DUXA: variants seen among roughly 807,000 people sequenced by gnomAD.
DUXA encodes the protein double homeobox protein A.
DUXA carries 25 observed loss-of-function variants against 27.5 expected under a neutral mutation model. The ratio of observed to expected loss-of-function variants is 0.91; its 90% CI spans 0.66 to 1.27. The LOEUF is 1.27. Ranked by LOEUF, DUXA falls within the 50% of genes most tolerant of loss-of-function variation. The probability of loss-of-function intolerance (pLI) is 0.00; values close to 1 mark genes in which losing one functional copy is unlikely to be tolerated. For missense variants in DUXA, 247 were observed against 242.9 expected (o/e 1.02, Z -0.11); for synonymous variants, 90 against 80.5 (o/e 1.12, Z -0.63).
At chr19:57,167,316 G>T in intron 1 of DUXA, 103 bp downstream of exon 1, 1 of 1,456,848 alleles carries the variant, frequency 6.9e-7, no homozygotes, top group Non-Finnish European at 9.6e-7. Context: ...TACAGTTAAA[G>T]TTTAAAAATG....
intron 1 of DUXA, among the ~76,000 whole-genome samples, chr19:57,162,187 C>T (rs940997369): frequency 1.3e-5 from 2 of 152,064 alleles, no homozygotes; most frequent in East Asian, 1.9e-4. Context: ...CACCCCTGGC[C>T]GGAGCATATT....
Position 57,154,372 on chromosome 19 carries a change from G to T in DUXA, c.*40C>A. The T allele has an allele frequency of 6.4e-7, 1 of 1,569,276 alleles. No homozygotes were observed. Among genetic ancestry groups the T allele is most frequent in the Non-Finnish European group, 8.8e-7 (1 of 1,140,058 alleles). On this transcript the variant is annotated 3_prime_UTR_variant, in exon 6 of 6. Coordinates refer to ENST00000554048, the MANE Select transcript of DUXA (RefSeq NM_001012729.2). ...AGGAAGACCGTGAGACAGATTTGGG[G>T]TCCAGTTGATATTATCAAGTACACT... is the stretch of plus-strand genomic sequence containing the variant.
In DUXA at chr19:57,164,482, A is replaced by G. The variant is rs60099410; in HGVS notation, c.25+2937T>C. On this transcript the variant is annotated intron_variant, in intron 1 of 5. Coordinates refer to ENST00000554048, the MANE Select transcript of DUXA (RefSeq NM_001012729.2). ...CCCAGCAACTTGGGAGGCTGAGGCGAGAGAATCGCTTGAACCCGGGAGGCA... is the reference window on the plus strand; with the variant it reads ...CCCAGCAACTTGGGAGGCTGAGGCGGGAGAATCGCTTGAACCCGGGAGGCA... Among the ~76,000 whole-genome samples, 1,123 of 152,220 alleles carry G rather than the reference A, an allele frequency of 7.4e-3. 13 individuals carry two copies. The highest frequency in any genetic ancestry group is 0.026 in the African/African-American group (1,077 of 41,534).
chr19:57,165,407 CAACA>C (rs1233291947), intron 1 of DUXA, among the ~76,000 whole-genome samples: 1 of 149,542 alleles, frequency 6.7e-6, no homozygotes, highest in East Asian at 2.0e-4. Context: ...CTTCTCCACA[CAACA>C]AACATTCACT....
At chr19:57,165,485 T>C (rs2087048934) in intron 1 of DUXA, among the ~76,000 whole-genome samples, 1 of 151,730 alleles carries the variant, frequency 6.6e-6, no homozygotes, top group Non-Finnish European at 1.5e-5. Context: ...ATTTTTCAAG[T>C]GTTAAAAAAT....
Position 57,158,469 on chromosome 19 carries a change from T to G in DUXA, c.297A>C (p.Arg99Ser). The part of the protein sequence containing the change: ...QDQPGVEFQS[R>S]EARRCRTTYS... ...AGGTGGTACGACACCGTCTGGCTTC[T>G]CTACCTAGGGAAGGCATGGAAAGAT... The change falls in exon 4 of 6, where the codon AGA becomes AGC. Residue 99 changes from arginine to serine, a missense_variant. Arg to Ser is a moderately radical substitution (Grantham distance 110). Transcript: ENST00000554048. The G allele has an allele frequency of 1.2e-6, 2 of 1,612,898 alleles. No homozygotes were observed. The highest frequency in any genetic ancestry group is 1.7e-5 in the Admixed American group (1 of 59,992).
chr19:57,165,324 A>AAAATATATATATATATATATATATATAT (rs1491567041), intron 1 of DUXA, among the ~76,000 whole-genome samples: 1 of 89,286 alleles, frequency 1.1e-5, no homozygotes, highest in Non-Finnish European at 2.3e-5. Context: ...AAAAAAAAAA[A>AAAATATATATATATATATATATATATAT]ATATATATAT....
chr19:57,156,972 C>G (rs1772969609), intron 4 of DUXA, among the ~76,000 whole-genome samples: 1 of 152,066 alleles, frequency 6.6e-6, no homozygotes, highest in African/African-American at 2.4e-5. Context: ...AGCCACAACT[C>G]TTAATAGTGT....
intron 2 of DUXA, among the ~76,000 whole-genome samples, chr19:57,159,840 T>C (rs2087011321): frequency 6.6e-6 from 1 of 151,118 alleles, no homozygotes; most frequent in Non-Finnish European, 1.5e-5. Flanking sequence ...CAGTGGCTCA[T>C]GCCTGTAATC....
chr19:57,155,550 G>T (rs2086988759), intron 4 of DUXA, among the ~76,000 whole-genome samples, 178 bp from the exon 5 acceptor site: 2 of 151,954 alleles, frequency 1.3e-5, no homozygotes, highest in South Asian at 4.2e-4. Flanking sequence ...TAGAGACGAG[G>T]TTTCACCACG....
At chr19:57,164,508 G>A (rs950210166) in intron 1 of DUXA, among the ~76,000 whole-genome samples, 1 of 152,154 alleles carries the variant, frequency 6.6e-6, no homozygotes, top group Non-Finnish European at 1.5e-5. Flanking sequence ...CCGGGAGGCA[G>A]AGGTTGCAGT....
At chr19:57,166,812 T>C (rs916910172) in intron 1 of DUXA, among the ~76,000 whole-genome samples, 3 of 152,234 alleles carry the variant, frequency 2.0e-5, no homozygotes, top group Middle Eastern at 3.4e-3. Context: ...GACTGTGTTA[T>C]GGGGGAAAAA....
At chr19:57,163,352 G>T (rs6510046) in intron 1 of DUXA, among the ~76,000 whole-genome samples, 2,758 of 152,084 alleles carry the variant, frequency 0.018, 63 homozygotes, top group African/African-American at 0.061. Context: ...TCCCTAGGTT[G>T]CCCAGGCTGT....
chr19:57,158,221 C>G lies in DUXA; in HGVS notation c.438+107G>C, dbSNP rs532326984. The G allele has an allele frequency of 3.1e-5, 41 of 1,342,092 alleles. No individual in the cohort carries two copies. The South Asian group carries it at 5.0e-4, about 16-fold the overall frequency. The allele number at this position is 1,342,092 out of a possible 1,614,324, so 83.1% of individuals were successfully genotyped here. A position where few individuals can be genotyped will look rare whatever the true frequency, so the allele number is the denominator to read the frequency against. ...CAGACAGGGAACAGCTGTGAAAGAC[C>G]CTGAAATGTGCCCAGCATGATGAGG... On this transcript the variant is annotated intron_variant, in intron 4 of 5. Transcript: ENST00000554048.
intron 3 of DUXA, 89 bp from the exon 4 acceptor site, chr19:57,158,562 C>G (rs778143964): frequency 1.7e-5 from 25 of 1,486,018 alleles, no homozygotes; most frequent in Non-Finnish European, 2.2e-5. Flanking sequence ...CCAAACTTGT[C>G]ACTCTCCCTC....
At chr19:57,154,784 C>T (rs1310481269) in intron 5 of DUXA, among the ~76,000 whole-genome samples, 2 of 151,970 alleles carry the variant, frequency 1.3e-5, no homozygotes, top group African/African-American at 2.4e-5. Context: ...AGGATGGTCT[C>T]GATCTCCTGA....
rs765990164 is a variant in DUXA at position 57,158,396 on chromosome 19, G to A, written c.370C>T (p.Pro124Ser). 4.3e-6 allele frequency: 7 copies of A among 1,613,468 alleles called. No individual in the cohort carries two copies. The highest frequency in any genetic ancestry group is 2.2e-5 in the East Asian group (1 of 44,884). The part of the protein sequence containing the change: ...HTLIKAFMKN[P>S]YPGIDSREEL... ...TCTCTGGAATCAATCCCAGGATATG[G>A]GTTTTTCATAAATGCCTTGATGAGA... is the stretch of plus-strand genomic sequence containing the variant. Residue 124 changes from proline to serine, a missense_variant, in exon 4 of 6, where the codon CCA becomes TCA. Physicochemically the swap from Pro to Ser is moderately conservative, Grantham distance 74 (BLOSUM62 -1). Transcript: ENST00000554048.
intron 4 of DUXA, among the ~76,000 whole-genome samples, chr19:57,155,646 A>AAGATAGATAGATAGATAGATAGATAGAT (rs35512413): frequency 0.074 from 10,597 of 143,976 alleles, 488 homozygotes; most frequent in South Asian, 0.09. Context: ...TGCCCAACCC[A>AAGATAGATAGATAGATAGATAGATAGAT]AGATAGATAG....
rs1555759590 is a variant in DUXA at position 57,165,324 on chromosome 19, A to ATATATATATATAC, written c.25+2094_25+2095insGTATATATATATA. 3.4e-5 allele frequency among the ~76,000 whole-genome samples: 3 copies of ATATATATATATAC among 89,286 alleles called. 1 individual carries two copies. The highest frequency in any genetic ancestry group is 2.6e-4 in the Admixed American group (2 of 7,694). 58.6% of individuals were successfully genotyped at this position (89,286 alleles called of 152,430 possible). On this transcript the variant is annotated intron_variant, in intron 1 of 5. Transcript: ENST00000554048. ...TCTGGAGTAGGAAAAAAAAAAAAAA[A>ATATATATATATAC]ATATATATATATATATATATGTATA...
Sources: gnomAD v4.1 joint callset for allele counts (sites outside exome capture counted in the v4.1 genomes callset) on GRCh38, gnomAD v4.1.1 for gene constraint, MANE v1.5 for transcripts, NCBI Gene and HGNC (gene_info 2026-07-23, HGNC 2026-07-21) for gene names.